MEGF6: variants seen among roughly 807,000 people sequenced by gnomAD.
MEGF6 encodes multiple epidermal growth factor-like domains protein 6.
MEGF6 carries 184 observed loss-of-function variants against 207.1 expected under a neutral mutation model. The observed-to-expected ratio is 0.89, with a 90% CI of 0.79 to 1.00. The LOEUF (loss-of-function observed/expected upper bound fraction) is 1.00, where lower values mean the gene tolerates loss of function less well. Among genes scored for constraint, MEGF6 ranks in the 50% least tolerant of loss-of-function variants. The probability of loss-of-function intolerance (pLI) is 0.00; values close to 1 mark genes in which losing one functional copy is unlikely to be tolerated. For synonymous variants in MEGF6, 1,038 were observed against 910.0 expected (o/e 1.14, Z -2.53); for missense variants, 2,282 against 2,202.9 (o/e 1.04, Z -0.72).
intron 3 of MEGF6, among the ~76,000 whole-genome samples, chr1:3,586,014 CTG>C (rs1643889577): frequency 7.0e-6 from 1 of 142,450 alleles, no homozygotes; most frequent in African/African-American, 2.7e-5. Context: ...GACACATGTC[CTG>C]TGTGTGGGTG....
At chr1:3,548,721 T>A (rs918580530) in intron 4 of MEGF6, among the ~76,000 whole-genome samples, 26 of 152,140 alleles carry the variant, frequency 1.7e-4, no homozygotes, top group African/African-American at 6.0e-4. Flanking sequence ...ACACAGCTGC[T>A]GGCACAGCTG....
At chr1:3,514,487 T>A (rs1278041980) in intron 7 of MEGF6, 63 bp downstream of exon 7, 77 of 1,516,816 alleles carry the variant, frequency 5.1e-5, no homozygotes, top group Non-Finnish European at 6.5e-5. Flanking sequence ...CACGGGTCCC[T>A]CCACAGCACC....
chr1:3,490,706 AGGTG>A, intron 36 of MEGF6, 117 bp from the exon 37 acceptor site: 2 of 1,106,902 alleles, frequency 1.8e-6, no homozygotes, highest in Non-Finnish European at 2.6e-6. Flanking sequence ...TCAGCCCAGC[AGGTG>A]GGTGGGGCCC....
chr1:3,497,660 CTGG>C (rs1557716990), intron 26 of MEGF6: 1 of 571,658 alleles, frequency 1.7e-6, no homozygotes. Context: ...AGCTCAGCCT[CTGG>C]CAGCCCCGCC....
chr1:3,534,705 G>A (rs1280209446), intron 4 of MEGF6, among the ~76,000 whole-genome samples: 3 of 152,150 alleles, frequency 2.0e-5, no homozygotes, highest in Non-Finnish European at 4.4e-5. Flanking sequence ...CCCAGAGGGC[G>A]GGGGACGTCC....
chr1:3,498,141 G>A (rs556256963), intron 26 of MEGF6, among the ~76,000 whole-genome samples: 21 of 152,304 alleles, frequency 1.4e-4, no homozygotes, highest in African/African-American at 5.1e-4. Context: ...GCTGGCTGGG[G>A]CTACCCCTGC....
rs1640263147 is a variant in MEGF6 at position 3,489,407 on chromosome 1, T to C, written c.*1121A>G. 1.3e-5 allele frequency among the ~76,000 whole-genome samples: 2 copies of C among 152,292 alleles called. No homozygotes were observed. The highest frequency in any genetic ancestry group is 2.1e-4 in the South Asian group (1 of 4,824). On this transcript the variant is annotated 3_prime_UTR_variant, in exon 37 of 37. Transcript: ENST00000356575. ...TGCGGTGTGAGTGCAGCCCTCTCCATTGGCCACCCCACTCTGCAGAGGAGC... is the reference window on the plus strand; with the variant it reads ...TGCGGTGTGAGTGCAGCCCTCTCCACTGGCCACCCCACTCTGCAGAGGAGC...
intron 34 of MEGF6, 127 bp from the exon 35 acceptor site, chr1:3,492,894 G>C (rs563632406): frequency 7.4e-7 from 1 of 1,353,888 alleles, no homozygotes; most frequent in African/African-American, 1.5e-5. Flanking sequence ...GGGTGTGTGC[G>C]GGAGCTAAGA....
chr1:3,501,436 C>T, intron 18 of MEGF6, 128 bp from the exon 19 acceptor site: 1 of 1,374,934 alleles, frequency 7.3e-7, no homozygotes, highest in Admixed American at 2.3e-5. Flanking sequence ...TCAGCCTGCC[C>T]CGGGGAGGGG....
At chr1:3,512,220 C>T (rs1009390275) in intron 7 of MEGF6, 92 bp from the exon 8 acceptor site, 1 of 1,486,954 alleles carries the variant, frequency 6.7e-7, no homozygotes. Flanking sequence ...CTGCTGACAC[C>T]CAGGGCCTGT....
intron 22 of MEGF6, 39 bp from the exon 23 acceptor site, chr1:3,499,755 G>A (rs1164117217): frequency 9.4e-6 from 15 of 1,591,310 alleles, no homozygotes; most frequent in African/African-American, 1.3e-5. Context: ...GGCCCACACT[G>A]GAGGCCACCC....
At chr1:3,530,700 G>C (rs1642124582) in intron 4 of MEGF6, among the ~76,000 whole-genome samples, 1 of 152,232 alleles carries the variant, frequency 6.6e-6, no homozygotes. Flanking sequence ...AGACCCCGGA[G>C]ACTCAGCTCC....
At chr1:3,581,538 G>A (rs112759820) in intron 3 of MEGF6, among the ~76,000 whole-genome samples, 9 of 152,218 alleles carry the variant, frequency 5.9e-5, no homozygotes, top group African/African-American at 9.6e-5. Flanking sequence ...GGAAACATCC[G>A]TGTCCCAAGT....
At chr1:3,588,929 G>T (rs1289105749) in intron 3 of MEGF6, among the ~76,000 whole-genome samples, 2 of 152,108 alleles carry the variant, frequency 1.3e-5, no homozygotes, top group African/African-American at 2.4e-5. Context: ...CCCTCATGAG[G>T]GCCCCAGGCC....
Position 3,570,114 on chromosome 1 carries a change from C to T in MEGF6, c.481+9711G>A, listed in dbSNP as rs529131200. ...GTCTCAGTCTCCCCAGCTGTCCTGT[C>T]GAGGAGGTGGCCCAGCCTGAGCATA... is the stretch of plus-strand genomic sequence containing the variant. On this transcript the variant is annotated intron_variant, in intron 4 of 36. Coordinates refer to ENST00000356575, the MANE Select transcript of MEGF6 (RefSeq NM_001409.4). Among the ~76,000 whole-genome samples, 6 of 152,318 alleles carry T rather than the reference C, an allele frequency of 3.9e-5. No individual in the cohort carries two copies. The South Asian group carries it at 6.2e-4, about 16-fold the overall frequency.
intron 4 of MEGF6, among the ~76,000 whole-genome samples, chr1:3,574,349 T>A (rs577062524): frequency 6.6e-6 from 1 of 152,116 alleles, no homozygotes; most frequent in East Asian, 1.9e-4. Flanking sequence ...TCTGCTCTGC[T>A]CCTCTGCTCC....
intron 4 of MEGF6, among the ~76,000 whole-genome samples, chr1:3,546,074 G>A (rs1642694368): frequency 6.6e-6 from 1 of 152,224 alleles, no homozygotes; most frequent in Non-Finnish European, 1.5e-5. Context: ...ACTCTCCCAG[G>A]GGCCAGGCTG....
chr1:3,501,315 C>G lies in MEGF6; in HGVS notation c.2315-7G>C. On this transcript the variant is annotated splice_region_variant and splice_polypyrimidine_tract_variant and intron_variant, in intron 18 of 36. Transcript: ENST00000356575. ...CAGCGGCCCTCGGGACAATCTAGTG[C>G]CCACCCCCATGGCCAGTCAGTGCCC... The G allele has an allele frequency of 1.3e-6, 2 of 1,592,600 alleles. No homozygotes were observed. The highest frequency in any genetic ancestry group is 1.7e-6 in the Non-Finnish European group (2 of 1,170,202).
chr1:3,549,888 C>T lies in MEGF6; in HGVS notation c.482-25642G>A, dbSNP rs373057574. Among the ~76,000 whole-genome samples, 9 of 152,190 alleles carry T rather than the reference C, an allele frequency of 5.9e-5. No homozygotes were observed. The East Asian group carries it at 7.7e-4, about 13-fold the overall frequency. On this transcript the variant is annotated intron_variant, in intron 4 of 36. Transcript: ENST00000356575. ...CCCAGGGATGATCCAAGCACAGGCACGGGTGGGCGGTCGAAGGTCAGAACC... is the reference window on the plus strand; with the variant it reads ...CCCAGGGATGATCCAAGCACAGGCATGGGTGGGCGGTCGAAGGTCAGAACC...
Sources: gnomAD v4.1 joint callset for allele counts (sites outside exome capture counted in the v4.1 genomes callset) on GRCh38, gnomAD v4.1.1 for gene constraint, MANE v1.5 for transcripts, NCBI Gene and HGNC (gene_info 2026-07-23, HGNC 2026-07-21) for gene names.